The following GSE1 variants were observed in gnomAD, a reference collection of about 807,000 sequenced individuals.
GSE1 encodes the protein Gse1 coiled-coil protein.
A neutral mutation model predicts 112.6 loss-of-function variants in GSE1; 32 were observed. The ratio of observed to expected loss-of-function variants is 0.28; its 90% CI spans 0.21 to 0.38. GSE1 has a LOEUF of 0.38. Among genes scored for constraint, GSE1 ranks in the 10% least tolerant of loss-of-function variants. The probability of loss-of-function intolerance (pLI) is 1.00; values close to 1 mark genes in which losing one functional copy is unlikely to be tolerated. For synonymous variants in GSE1, 1,115 were observed against 735.6 expected, an observed-to-expected ratio of 1.52 and a Z score of -8.35; for missense variants, 2,348 against 1,699.2, an observed-to-expected ratio of 1.38 and a Z score of -6.71.
chr16:85,358,722 C>T (rs746659874), intron 2 of GSE1, among the ~76,000 whole-genome samples: 2 of 152,084 alleles, frequency 1.3e-5, no homozygotes, highest in Non-Finnish European at 2.9e-5. Context: ...GCTTTAGGGA[C>T]GCTGACCCCT....
At chr16:85,421,188 G>A (rs2048835796) in intron 2 of GSE1, among the ~76,000 whole-genome samples, 1 of 152,228 alleles carries the variant, frequency 6.6e-6, no homozygotes, top group Non-Finnish European at 1.5e-5. Context: ...GCAGTTCGGA[G>A]TGCAAGCAGG....
chr16:85,611,693 C>T (rs1476728214), upstream of GSE1, among the ~76,000 whole-genome samples: 1 of 152,116 alleles, frequency 6.6e-6, no homozygotes, highest in Non-Finnish European at 1.5e-5. Flanking sequence ...AGCGTGGGGC[C>T]TGAGGGAGCC....
Position 85,663,632 on chromosome 16 carries a change from T to A in GSE1, c.2644+18T>A. 1 of 1,600,348 alleles carries A rather than the reference T, an allele frequency of 6.2e-7. No homozygotes were observed. The stretch of plus-strand genomic sequence containing the variant: ...GAGGAAAGGTAGGGCCTCGCCTGGG[T>A]AGGAAGGTGGGGGCTCACTGGGGTG... On this transcript the variant is annotated intron_variant, in intron 11 of 15. Transcript: ENST00000253458.
chr16:85,419,498 C>T lies in GSE1; in HGVS notation c.2464+61855C>T, dbSNP rs559094312. On this transcript the variant is annotated intron_variant, in intron 2 of 2. Coordinates refer to the GSE1 transcript ENST00000637419. This position sits in a 1 kb window ranked among gnomAD's most constrained non-coding sequence, Gnocchi z 6.5. ...GTGCACATCTGTGGTCCTAGCTACT[C>T]GGGAGGCTGAGGTGGGAGGATCGCC... Among the ~76,000 whole-genome samples, 186 of 151,582 alleles carry T rather than the reference C, an allele frequency of 1.2e-3. No individual in the cohort carries two copies. Among genetic ancestry groups the T allele is most frequent in the Non-Finnish European group, 2.1e-3 (144 of 67,894 alleles).
rs527936855 is a variant in GSE1 at position 85,656,332 on chromosome 16, A to G, written c.990-11A>G. ...TGCAGCAGAGCCCCCAACTCTTTCCATGTGCTGCAGGCTGCAGATGGACGA... is the reference window on the plus strand; with the variant it reads ...TGCAGCAGAGCCCCCAACTCTTTCCGTGTGCTGCAGGCTGCAGATGGACGA... On this transcript the variant is annotated splice_polypyrimidine_tract_variant and intron_variant, in intron 6 of 15. Coordinates refer to ENST00000253458, the MANE Select transcript of GSE1 (RefSeq NM_014615.5). 1.9e-5 allele frequency: 31 copies of G among 1,606,588 alleles called. No homozygotes were observed. Among genetic ancestry groups the G allele is most frequent in the Middle Eastern group, 3.3e-4 (2 of 6,042 alleles).
At chr16:85,358,944 A>C (rs370297061) in intron 2 of GSE1, among the ~76,000 whole-genome samples, 1 of 152,212 alleles carries the variant, frequency 6.6e-6, no homozygotes, top group African/African-American at 2.4e-5. Flanking sequence ...TCCGTGCCTC[A>C]GTTTCCTCAT....
intron 1 of GSE1, among the ~76,000 whole-genome samples, chr16:85,244,817 C>T (rs958342613): frequency 6.6e-6 from 1 of 152,042 alleles, no homozygotes; most frequent in African/African-American, 2.4e-5. Flanking sequence ...ATGGTGAAAT[C>T]CTGTCTCTAC....
rs146583612 is a variant in GSE1 at position 85,172,739 on chromosome 16, C to T, written c.2283+932C>T. 2.9e-3 allele frequency among the ~76,000 whole-genome samples: 435 copies of T among 152,286 alleles called. 1 individual carries two copies. The highest frequency in any genetic ancestry group is 5.0e-3 in the Non-Finnish European group (338 of 68,020). On this transcript the variant is annotated intron_variant, in intron 1 of 2. Coordinates refer to the GSE1 transcript ENST00000637419. ...TGCTGGCCATGTGTGGGCAGAGGGA[C>T]GTGTGGATGGGAAAGGTGGCGCTGT...
At chr16:85,583,949 G>A (rs571520344) in intron 1 of GSE1, among the ~76,000 whole-genome samples, 1 of 152,212 alleles carries the variant, frequency 6.6e-6, no homozygotes, top group Non-Finnish European at 1.5e-5. Context: ...CTGTTTCAAA[G>A]CCAGCGTTCA....
At chr16:85,428,143 TG>T (rs1378417577) in intron 2 of GSE1, among the ~76,000 whole-genome samples, 1 of 152,168 alleles carries the variant, frequency 6.6e-6, no homozygotes, top group African/African-American at 2.4e-5. Flanking sequence ...CGCCCACCCT[TG>T]TCTCTTTGAG....
chr16:85,199,186 A>C (rs1198406719), intron 1 of GSE1, among the ~76,000 whole-genome samples: 1 of 151,884 alleles, frequency 6.6e-6, no homozygotes, highest in African/African-American at 2.4e-5. Context: ...CAACCTCCTG[A>C]CCTCAGATGA....
intron 1 of GSE1, among the ~76,000 whole-genome samples, chr16:85,559,289 G>C (rs991387166): frequency 1.3e-5 from 2 of 152,224 alleles, no homozygotes; most frequent in Admixed American, 6.5e-5. Flanking sequence ...AGACCCAGGG[G>C]CTCAGCAATT....
At chr16:85,413,975 C>A (rs931052504) in intron 2 of GSE1, among the ~76,000 whole-genome samples, 1 of 152,214 alleles carries the variant, frequency 6.6e-6, no homozygotes, top group African/African-American at 2.4e-5. Context: ...GGGCACCTTG[C>A]TTCTCTCTCA....
chr16:85,358,227 C>A lies in GSE1; in HGVS notation c.2464+584C>A, dbSNP rs376964896. On this transcript the variant is annotated intron_variant, in intron 2 of 2. Coordinates refer to the GSE1 transcript ENST00000637419. ...TCCCTGAGGCCAGGCGAGGCTGTGC[C>A]CTCCTTGGTTAATCGCCGTGTGTGG... Among the ~76,000 whole-genome samples, 41 of 152,294 alleles carry A rather than the reference C, an allele frequency of 2.7e-4. No individual in the cohort carries two copies. In the East Asian group the frequency reaches 5.4e-3, roughly 20 times the overall value.
At chr16:85,403,361 A>G (rs1050498584) in intron 2 of GSE1, among the ~76,000 whole-genome samples, 7 of 152,322 alleles carry the variant, frequency 4.6e-5, no homozygotes, top group Admixed American at 2.6e-4. Context: ...ACCCAGGGGC[A>G]TGACCACCAG....
chr16:85,665,203 C>A, intron 12 of GSE1, 75 bp downstream of exon 12: 1 of 808,394 alleles, frequency 1.2e-6, no homozygotes. Context: ...GGCGACCACT[C>A]GAGGTCTTCA....
At chr16:85,224,596 C>G (rs1317782418) in intron 1 of GSE1, among the ~76,000 whole-genome samples, 1 of 152,112 alleles carries the variant, frequency 6.6e-6, no homozygotes, top group African/African-American at 2.4e-5. Flanking sequence ...GGGCACTGTT[C>G]TTGGTGATGG....
In GSE1 at chr16:85,597,373, CAAAAAAAAAAAAA is replaced by C. The variant is rs1165062872; in HGVS notation, c.37+41023_37+41035del. 6.4e-3 allele frequency among the ~76,000 whole-genome samples: 203 copies of C among 31,858 alleles called. 1 individual carries two copies. Among genetic ancestry groups the C allele is most frequent in the Middle Eastern group, 0.057 (4 of 70 alleles). The allele number at this position is 31,858 out of a possible 152,430, so 20.9% of individuals were successfully genotyped here. A position where few individuals can be genotyped will look rare whatever the true frequency, so the allele number is the denominator to read the frequency against. ...TGGGCAACAGAGTGAGACTCTGTCT[CAAAAAAAAAAAAA>C]AAAAAAAAAAAAGAAGAAGAAAGTT... On this transcript the variant is annotated intron_variant, in intron 1 of 2. Coordinates refer to the GSE1 transcript ENST00000635906.
intron 1 of GSE1, among the ~76,000 whole-genome samples, chr16:85,617,837 A>G (rs2048474925): frequency 6.6e-6 from 1 of 152,072 alleles, no homozygotes; most frequent in Non-Finnish European, 1.5e-5. Flanking sequence ...CTGGGAAGCC[A>G]GAGACCGCCT....
Sources: allele counts gnomAD v4.1 joint callset (sites outside exome capture counted in the v4.1 genomes callset), GRCh38; gene constraint gnomAD v4.1.1; non-coding constraint Gnocchi (gnomAD v3.1); transcripts MANE v1.5; gene names NCBI Gene and HGNC (gene_info 2026-07-23, HGNC 2026-07-21).